Variants in TANC2 observed in about 807,000 individuals in gnomAD.
TANC2 encodes tetratricopeptide repeat, ankyrin repeat and coiled-coil containing 2.
In TANC2, 26 loss-of-function variants were observed where a neutral mutation model predicts 210.5. The observed-to-expected ratio is 0.12, with a 90% CI of 0.09 to 0.17. The LOEUF (loss-of-function observed/expected upper bound fraction) is 0.17. TANC2 is among the 10% of genes least tolerant of loss of function. The pLI is 1.00. For missense variants in TANC2, 2,129 were observed against 2,608.9 expected (o/e 0.82, Z 4.01); for synonymous variants, 931 against 967.1 (o/e 0.96, Z 0.69).
intron 10 of TANC2, among the ~76,000 whole-genome samples, chr17:63,316,487 G>A (rs978399032): frequency 6.6e-6 from 1 of 152,160 alleles, no homozygotes; most frequent in African/African-American, 2.4e-5. Flanking sequence ...ACTCCCCAAA[G>A]CAGAGATTCT....
chr17:63,343,709 G>C (rs918832108), intron 12 of TANC2, among the ~76,000 whole-genome samples: 3 of 152,042 alleles, frequency 2.0e-5, no homozygotes, highest in African/African-American at 7.2e-5. Context: ...TTCAAAACCA[G>C]CCTGGGCAAC....
intron 12 of TANC2, among the ~76,000 whole-genome samples, chr17:63,345,006 C>G (rs760306555): frequency 8.5e-5 from 13 of 152,236 alleles, no homozygotes; most frequent in Middle Eastern, 3.4e-3. Context: ...GTTGACTGTC[C>G]CAGTGCTCAT....
chr17:63,305,934 G>A (rs1460818830), intron 9 of TANC2, among the ~76,000 whole-genome samples: 1 of 152,196 alleles, frequency 6.6e-6, no homozygotes, highest in Non-Finnish European at 1.5e-5. Context: ...AGGGTGTGAG[G>A]CGTGGACAGG....
intron 3 of TANC2, among the ~76,000 whole-genome samples, chr17:63,096,899 A>G (rs150619841): frequency 1.1e-4 from 17 of 151,552 alleles, no homozygotes; most frequent in Non-Finnish European, 2.2e-4. Flanking sequence ...CTATTTTTTT[A>G]TTATACCCAT....
intron 9 of TANC2, among the ~76,000 whole-genome samples, chr17:63,313,763 A>G (rs2045210862): frequency 6.6e-6 from 1 of 152,190 alleles, no homozygotes; most frequent in African/African-American, 2.4e-5. Context: ...AAAAAATACT[A>G]GCATGAACTT....
intron 3 of TANC2, among the ~76,000 whole-genome samples, chr17:63,085,539 C>A (rs2036928350): frequency 2.0e-5 from 3 of 151,846 alleles, no homozygotes. Context: ...AATTTAAGTT[C>A]ACTTTCAAAT....
At chr17:63,057,429 A>G (rs1029272497) in intron 2 of TANC2, among the ~76,000 whole-genome samples, 3 of 152,056 alleles carry the variant, frequency 2.0e-5, no homozygotes, top group Non-Finnish European at 4.4e-5. Flanking sequence ...TTTTCTTTTT[A>G]TAAAAACTTT....
intron 3 of TANC2, among the ~76,000 whole-genome samples, chr17:63,079,287 C>T (rs80037594): frequency 0.029 from 4,480 of 152,210 alleles, 83 homozygotes; most frequent in South Asian, 0.038. Context: ...TGGTGTGTAG[C>T]TCCAGGATTT....
intron 7 of TANC2, among the ~76,000 whole-genome samples, chr17:63,230,998 G>C (rs988850528): frequency 6.6e-6 from 1 of 152,268 alleles, no homozygotes; most frequent in South Asian, 2.1e-4. Flanking sequence ...CTGTTGAATT[G>C]TCCCCTTTAC....
intron 3 of TANC2, among the ~76,000 whole-genome samples, 195 bp from the exon 4 acceptor site, chr17:63,098,980 A>G (rs2037518810): frequency 6.6e-6 from 1 of 152,174 alleles, no homozygotes; most frequent in African/African-American, 2.4e-5. Context: ...ACCTTAGTTT[A>G]CTCATCTTCA....
chr17:63,340,073 T>C lies in TANC2; in HGVS notation c.1576-28T>C, dbSNP rs554332397. On this transcript the variant is annotated intron_variant, in intron 11 of 27. Transcript: ENST00000689528. ...CTATTGCTCTTACTACTGATAAGCC[T>C]GTTTGCATTCTCATCTTTCTTTTGC... 7 of 1,553,244 alleles carry C rather than the reference T, an allele frequency of 4.5e-6. No homozygotes were observed. In the South Asian group the frequency reaches 7.8e-5, roughly 17 times the overall value.
intron 9 of TANC2, among the ~76,000 whole-genome samples, chr17:63,297,638 C>G (rs1598799945): frequency 1.3e-5 from 2 of 152,016 alleles, no homozygotes; most frequent in South Asian, 4.2e-4. Flanking sequence ...TCCTCATGAC[C>G]TTAGATTGGG....
intron 2 of TANC2, among the ~76,000 whole-genome samples, chr17:63,066,719 G>A (rs1374570951): frequency 6.6e-6 from 1 of 151,616 alleles, no homozygotes; most frequent in Non-Finnish European, 1.5e-5. Context: ...GAGTTGTCAG[G>A]CCATTCTTTA....
chr17:63,416,045 C>T (rs1332451931), intron 26 of TANC2, among the ~76,000 whole-genome samples: 1 of 152,174 alleles, frequency 6.6e-6, no homozygotes, highest in African/African-American at 2.4e-5. Flanking sequence ...AGTCATTACT[C>T]TCAGGTATAT....
chr17:63,055,984 AAAAAAAATATATAT>A (rs2035774329), intron 2 of TANC2, among the ~76,000 whole-genome samples: 1 of 17,304 alleles, frequency 5.8e-5, no homozygotes, highest in East Asian at 2.2e-3. Flanking sequence ...AAAAAAAAAA[AAAAAAAATATATAT>A]ATATATATAT....
In TANC2 at chr17:63,098,021, A is replaced by G. The variant is rs201568712; in HGVS notation, c.140-1154A>G. Among the ~76,000 whole-genome samples the G allele has an allele frequency of 6.6e-5, 10 of 152,138 alleles. No individual in the cohort carries two copies. In the East Asian group the frequency reaches 9.6e-4, roughly 15 times the overall value. ...ATTTTAAACGTTTATTTTCTTAAAC[A>G]TATTTAGCATATTATTTTAAATTCT... is the stretch of plus-strand genomic sequence containing the variant. On this transcript the variant is annotated intron_variant, in intron 3 of 27. Coordinates refer to ENST00000689528, the Ensembl canonical transcript of TANC2.
chr17:63,311,356 G>A (rs550343185), intron 9 of TANC2, among the ~76,000 whole-genome samples: 4 of 152,178 alleles, frequency 2.6e-5, no homozygotes, highest in Admixed American at 6.5e-5. Flanking sequence ...TACATTGCTA[G>A]GTGAAAAAAG....
chr17:63,177,571 A>G lies in TANC2; in HGVS notation c.434-16420A>G, dbSNP rs1390724722. On this transcript the variant is annotated intron_variant, in intron 5 of 27. Coordinates refer to ENST00000689528, the Ensembl canonical transcript of TANC2. ...AATTAAATGCCTACAATAATGGTAC[A>G]TGAGAAACCACTCCAAAACTTACAG... Among the ~76,000 whole-genome samples, 4 of 152,318 alleles carry G rather than the reference A, an allele frequency of 2.6e-5. No homozygotes were observed. The South Asian group carries it at 6.2e-4, about 24-fold the overall frequency.
chr17:63,172,916 T>C (rs2040452498), intron 5 of TANC2, among the ~76,000 whole-genome samples: 1 of 152,182 alleles, frequency 6.6e-6, no homozygotes, highest in African/African-American at 2.4e-5. Context: ...GAGTGGTATA[T>C]CTTTTAGTGG....
Sources: allele counts gnomAD v4.1 joint callset (sites outside exome capture counted in the v4.1 genomes callset), GRCh38; gene constraint gnomAD v4.1.1; transcripts MANE v1.5; gene names NCBI Gene and HGNC (gene_info 2026-07-23, HGNC 2026-07-21).